The following AFF2 variants were observed in gnomAD, a reference collection of about 807,000 sequenced individuals.
AFF2 encodes the protein AF4/FMR2 family member 2.
In AFF2, 14 loss-of-function variants were observed where a neutral mutation model predicts 76.9. The ratio of observed to expected loss-of-function variants is 0.18; its 90% CI spans 0.12 to 0.28. The LOEUF is 0.28. Ranked by LOEUF, AFF2 falls within the 10% of genes least tolerant of loss-of-function variation. The probability of loss-of-function intolerance (pLI) is 1.00; values close to 1 mark genes in which losing one functional copy is unlikely to be tolerated. For missense variants in AFF2, 868 were observed against 1,001.1 expected (o/e 0.87, Z 1.79); for synonymous variants, 398 against 366.7 (o/e 1.09, Z -0.98).
At chrX:148,609,271 A>G (rs1303850728) in intron 1 of AFF2, among the ~76,000 whole-genome samples, 12 of 112,063 alleles carry the variant, frequency 1.1e-4, no homozygotes, top group Non-Finnish European at 9.4e-5. Context: ...TGTGCAATGT[A>G]TAATTTTCTA....
At chrX:148,937,368 T>C (rs2071786642) in intron 9 of AFF2, among the ~76,000 whole-genome samples, 1 of 112,178 alleles carries the variant, frequency 8.9e-6, no homozygotes, top group South Asian at 3.7e-4. Context: ...CTTACAGCTT[T>C]GGGTCATCTC....
intron 7 of AFF2, among the ~76,000 whole-genome samples, chrX:148,856,932 G>A (rs1475924826): frequency 8.9e-6 from 1 of 112,113 alleles, no homozygotes; most frequent in African/African-American, 3.2e-5. Context: ...TCCCTTGCCT[G>A]GGCAAATTGT....
intron 7 of AFF2, among the ~76,000 whole-genome samples, chrX:148,866,963 G>C (rs1603321608): frequency 8.9e-6 from 1 of 112,159 alleles, no homozygotes; most frequent in East Asian, 2.8e-4. Flanking sequence ...TAGATTCAAA[G>C]AATGCTCATC....
In AFF2 at chrX:148,978,487, A is replaced by C. The variant is rs141151462; in HGVS notation, c.3570+32A>C. On this transcript the variant is annotated intron_variant, in intron 18 of 20. Transcript: ENST00000370460. ...CTTATTTTGTATAATTTATAGGTACAGGATGATAAAATCACTAATAAGACA... is the reference window on the plus strand; with the variant it reads ...CTTATTTTGTATAATTTATAGGTACCGGATGATAAAATCACTAATAAGACA... 160 of 988,151 alleles carry C rather than the reference A, an allele frequency of 1.6e-4. No individual in the cohort carries two copies. In the African/African-American group the frequency reaches 2.4e-3, roughly 15 times the overall value. 81.4% of individuals were successfully genotyped at this position (988,151 alleles called of 1,213,427 possible).
chrX:148,968,125 A>T (rs1426742389), intron 15 of AFF2, among the ~76,000 whole-genome samples: 6 of 110,529 alleles, frequency 5.4e-5, no homozygotes, highest in Non-Finnish European at 9.5e-5. Context: ...CTGAGGAAAA[A>T]CTCAGCTCCT....
At chrX:148,989,702 G>A (rs916538719) in intron 20 of AFF2, among the ~76,000 whole-genome samples, 7 of 112,346 alleles carry the variant, frequency 6.2e-5, no homozygotes, top group African/African-American at 1.9e-4. Flanking sequence ...AGACAACCAC[G>A]TATTTGCACG....
chrX:148,927,152 G>GA (rs1465914705), intron 9 of AFF2, among the ~76,000 whole-genome samples: 1 of 111,423 alleles, frequency 9.0e-6, no homozygotes. Context: ...ATACATTTTG[G>GA]AAAAAAGAGA....
At chrX:148,581,158 T>C (rs2053369101) in intron 1 of AFF2, among the ~76,000 whole-genome samples, 1 of 62,181 alleles carries the variant, frequency 1.6e-5, no homozygotes, top group African/African-American at 4.6e-5. Context: ...TACATATACG[T>C]ATACACACAT....
At chrX:148,810,035 A>C (rs2070184489) in intron 4 of AFF2, 115 bp downstream of exon 4, 1 of 681,572 alleles carries the variant, frequency 1.5e-6, no homozygotes, top group Non-Finnish European at 2.3e-6. Context: ...GAATCCTGAT[A>C]TTCTACTTCA....
intron 3 of AFF2, among the ~76,000 whole-genome samples, chrX:148,784,298 A>T (rs1389314353): frequency 8.0e-5 from 9 of 111,980 alleles, no homozygotes; most frequent in Non-Finnish European, 1.3e-4. Context: ...AGCTGAGGTA[A>T]TGTCTTTGTT....
rs1557281196 is a variant in AFF2 at position 148,904,197 on chromosome X, T to C, written c.1360-24T>C. 2.3e-5 allele frequency: 24 copies of C among 1,032,813 alleles called. 1 individual carries two copies. Among genetic ancestry groups the C allele is most frequent in the Non-Finnish European group, 3.3e-5 (24 of 737,740 alleles). The allele number at this position is 1,032,813 out of a possible 1,213,427, so 85.1% of individuals were successfully genotyped here. On this transcript the variant is annotated intron_variant, in intron 8 of 20. Coordinates refer to ENST00000370460, the MANE Select transcript of AFF2 (RefSeq NM_002025.4). ...GATTATGCCTGCTAATATTGTCTAA[T>C]TGCATTTTTTCTTCTGTTTACAGGC... is the stretch of plus-strand genomic sequence containing the variant.
chrX:148,889,757 C>T (rs922288308), intron 8 of AFF2, among the ~76,000 whole-genome samples: 1 of 111,478 alleles, frequency 9.0e-6, no homozygotes, highest in Admixed American at 9.5e-5. Context: ...TATAGTTACA[C>T]GGACATGGCT....
At chrX:148,971,773 G>GT (rs1198615424) in intron 15 of AFF2, among the ~76,000 whole-genome samples, 181 of 25,792 alleles carry the variant, frequency 7.0e-3, no homozygotes, top group African/African-American at 0.015. Context: ...TTTTTTTAAT[G>GT]TTTTTTTTTT....
chrX:148,823,780 A>G (rs2070354581), intron 4 of AFF2, among the ~76,000 whole-genome samples: 1 of 111,924 alleles, frequency 8.9e-6, no homozygotes, highest in South Asian at 3.8e-4. Context: ...AGACAGAACA[A>G]AAAATAAGTC....
At chrX:148,687,052 G>T (rs1382167908) in intron 3 of AFF2, among the ~76,000 whole-genome samples, 1 of 111,727 alleles carries the variant, frequency 9.0e-6, no homozygotes, top group Non-Finnish European at 1.9e-5. Flanking sequence ...AGTCTCTATA[G>T]ATACTTTAAC....
chrX:148,522,710 T>C (rs1001621077), intron 1 of AFF2, among the ~76,000 whole-genome samples: 8 of 112,195 alleles, frequency 7.1e-5, no homozygotes, highest in Non-Finnish European at 1.1e-4. Context: ...TGTATTTAGA[T>C]TGGCTTTGGC....
chrX:148,546,222 A>G (rs781868943), intron 1 of AFF2, among the ~76,000 whole-genome samples: 13 of 111,859 alleles, frequency 1.2e-4, no homozygotes, highest in South Asian at 3.7e-4. Context: ...TAGACTCCAT[A>G]GTTTTTATTT....
At chrX:148,526,809 T>A (rs782283752) in intron 1 of AFF2, among the ~76,000 whole-genome samples, 1 of 111,507 alleles carries the variant, frequency 9.0e-6, no homozygotes, top group Admixed American at 9.6e-5. Flanking sequence ...CCAATTCCAA[T>A]AAAACACCAC....
At chrX:148,740,167 T>A (rs141582323) in intron 3 of AFF2, among the ~76,000 whole-genome samples, 3,296 of 111,539 alleles carry the variant, frequency 0.03, 131 homozygotes, top group African/African-American at 0.1. Context: ...AGGTGTTCTT[T>A]GTGCTTCTTG....
Sources: allele counts gnomAD v4.1 joint callset (sites outside exome capture counted in the v4.1 genomes callset), GRCh38; gene constraint gnomAD v4.1.1; transcripts MANE v1.5; gene names NCBI Gene and HGNC (gene_info 2026-07-23, HGNC 2026-07-21).